The following AHNAK2 variants were observed in gnomAD, a reference collection of about 807,000 sequenced individuals.
AHNAK2 encodes the protein AHNAK nucleoprotein 2, also known as protein AHNAK2.
A neutral mutation model predicts 30.7 loss-of-function variants in AHNAK2; 18 were observed. The ratio of observed to expected loss-of-function variants is 0.59; its 90% CI spans 0.41 to 0.87. The LOEUF (loss-of-function observed/expected upper bound fraction) is 0.87, where lower values mean the gene tolerates loss of function less well. Ranked by LOEUF, AHNAK2 falls within the 40% of genes least tolerant of loss-of-function variation. The pLI is 0.00. For synonymous variants in AHNAK2, 3,590 were observed against 3,073.8 expected, an observed-to-expected ratio of 1.17 and a Z score of -5.56; for missense variants, 8,604 against 7,373.0, an observed-to-expected ratio of 1.17 and a Z score of -6.11.
In AHNAK2 at chr14:104,942,875, G is replaced by C. The variant is rs1357422690; in HGVS notation, c.12576C>G (p.Val4192=). Residue 4192 remains valine, a synonymous_variant, in exon 7 of 7, where the codon GTC becomes GTG. Coordinates refer to ENST00000333244, the MANE Select transcript of AHNAK2 (RefSeq NM_138420.4). ...SIQSPSADLE[V]QAGQVDVKLP... ...GTTTCACGTCCACTTGGCCAGCCTG[G>C]ACCTCCAGGTCGGCGGAAGGGGACT... The C allele has an allele frequency of 6.2e-7, 1 of 1,612,928 alleles. No homozygotes were observed. The highest frequency in any genetic ancestry group is 2.2e-5 in the East Asian group (1 of 44,730).
chr14:104,976,886 G>A (rs1899606787), intron 1 of AHNAK2, among the ~76,000 whole-genome samples: 2 of 152,190 alleles, frequency 1.3e-5, no homozygotes, highest in Admixed American at 1.3e-4. Context: ...CTGCAGCCAT[G>A]TGGGCAGGGC....
At position 104,944,368 on chromosome 14, in the gene AHNAK2, G is replaced by C. The variant is rs2140831498; in HGVS notation, c.11083C>G (p.Leu3695Val). The C allele has an allele frequency of 6.2e-6, 10 of 1,612,682 alleles. No individual in the cohort carries two copies. Among genetic ancestry groups the C allele is most frequent in the Non-Finnish European group, 7.6e-6 (9 of 1,179,504 alleles). The part of the protein sequence containing the change: ...DLSIQPPSAD[L>V]KVQAGQMDVK... ...TCCATCTGGCCAGCCTGGACCTTCAGGTCGGCAGAAGGGGGCTGAATGCTG... is the reference window on the plus strand; with the variant it reads ...TCCATCTGGCCAGCCTGGACCTTCACGTCGGCAGAAGGGGGCTGAATGCTG... Residue 3695 changes from leucine (L) to valine (V), a missense_variant, in exon 7 of 7, where the codon CTG (leucine) becomes GTG (valine). Physicochemically the swap from Leu to Val is conservative, Grantham distance 32. Coordinates refer to ENST00000333244, the MANE Select transcript of AHNAK2 (RefSeq NM_138420.4).
rs1319756615 is a variant in AHNAK2, at chr14:104,943,619, C to A, written c.11832G>T (p.Lys3944Asn). ...VEVDVEAPGA[K>N]LDGARLEGDL... ...CCCCCTCCAGCCGCGCACCATCCAG[C>A]TTGGCTCCTGGGGCCTCGACGTCCA... Residue 3944 changes from lysine (K) to asparagine (N), a missense_variant, in exon 7 of 7, where the codon AAG becomes AAT. By Grantham distance (94) the Lys-to-Asn change is moderately conservative. Transcript: ENST00000333244. The A allele has an allele frequency of 6.2e-7, 1 of 1,612,988 alleles. No homozygotes were observed. The highest frequency in any genetic ancestry group is 2.2e-5 in the East Asian group (1 of 44,726).
chr14:104,963,954 T>G (rs780899767), intron 1 of AHNAK2, among the ~76,000 whole-genome samples: 78 of 151,888 alleles, frequency 5.1e-4, no homozygotes, highest in Non-Finnish European at 8.8e-4. Context: ...CTATGGATGG[T>G]TCCTCAAAAA....
At position 104,952,691 on chromosome 14, in the gene AHNAK2, C is replaced by T. The variant is rs1440766997; in HGVS notation, c.2760G>A (p.Glu920=). The change falls in exon 7 of 7, where the codon GAG becomes GAA. Residue 920 remains glutamate (E), a synonymous_variant. Coordinates refer to ENST00000333244, the MANE Select transcript of AHNAK2 (RefSeq NM_138420.4). ...CTTTGGGCATCTTGAAACTGGGCAT[C>T]TCCACTTTGGGCAGGTGCACTTTGG... The part of the protein sequence containing the change: ...AGPKVHLPKV[E]MPSFKMPKVD... 2 of 1,612,846 alleles carry T rather than the reference C, an allele frequency of 1.2e-6. No individual in the cohort carries two copies. Among genetic ancestry groups the T allele is most frequent in the Non-Finnish European group, 1.7e-6 (2 of 1,179,660 alleles).
At position 104,942,917 on chromosome 14, in the gene AHNAK2, G is replaced by A. The variant is rs762443187; in HGVS notation, c.12534C>T (p.Thr4178=). 36 of 1,613,140 alleles carry A rather than the reference G, an allele frequency of 2.2e-5. No homozygotes were observed. Among genetic ancestry groups the A allele is most frequent in the Non-Finnish European group, 2.7e-5 (32 of 1,179,644 alleles). ...AAGGGGACTGAATGCTGAGGTCAGT[G>A]GTCTTGAGGTCCCCCTGCATGGAGG... ...SLPSMQGDLK[T]TDLSIQSPSA... Residue 4178 remains threonine (T), a synonymous_variant, in exon 7 of 7, where the codon ACC becomes ACT. Coordinates refer to ENST00000333244, the MANE Select transcript of AHNAK2 (RefSeq NM_138420.4).
In AHNAK2 at chr14:104,942,351, G is replaced by A. The variant is rs1595392025; in HGVS notation, c.13100C>T (p.Pro4367Leu). 6.2e-7 allele frequency: 1 copy of A among 1,613,120 alleles called. No individual in the cohort carries two copies. The part of the protein sequence containing the change: ...VQAGQEDVKL[P>L]EGPVHEGAGL... The stretch of plus-strand genomic sequence containing the variant: ...GGCTCCCTCATGCACAGGGCCCTCT[G>A]GGAGTTTCACATCCTCTTGGCCAGC... The change falls in exon 7 of 7, where the codon CCA (proline) becomes CTA (leucine). Residue 4367 changes from proline to leucine, a missense_variant. Physicochemically the swap from Pro to Leu is moderately conservative, Grantham distance 98 (BLOSUM62 -3). Coordinates refer to ENST00000333244, the MANE Select transcript of AHNAK2 (RefSeq NM_138420.4).
Position 104,939,163 on chromosome 14 carries a change from C to G in AHNAK2, c.16288G>C (p.Gly5430Arg), listed in dbSNP as rs1209925287. The G allele has an allele frequency of 6.2e-7, 1 of 1,612,614 alleles. No individual in the cohort carries two copies. The highest frequency in any genetic ancestry group is 1.7e-5 in the Admixed American group (1 of 59,856). ...IDTALCKESPGLWGASILKAG... is the reference protein window; with the variant it reads ...IDTALCKESPRLWGASILKAG... ...TTCAGGATGCTGGCTCCCCAGAGCC[C>G]CGGACTTTCCTTACAAAGGGCTGTA... Residue 5430 changes from glycine (G) to arginine (R), a missense_variant, in exon 7 of 7, where the codon GGG (glycine) becomes CGG (arginine). Gly to Arg is a moderately radical substitution (Grantham distance 125). Coordinates refer to ENST00000333244, the MANE Select transcript of AHNAK2 (RefSeq NM_138420.4).
Position 104,950,621 on chromosome 14 carries a change from C to T in AHNAK2, c.4830G>A (p.Val1610=), listed in dbSNP as rs531354339. 7.4e-5 allele frequency: 117 copies of T among 1,587,146 alleles called. 11 individuals are homozygous for T. Among genetic ancestry groups the T allele is most frequent in the Admixed American group, 1.6e-4 (9 of 57,532 alleles). ...GPKLDLKGPK[V]EVTAPDVKMS... ...TCTTCACATCGGGGGCTGTCACTTC[C>T]ACCTTGGGGCCTTTCAGGTCCAGCT... Residue 1610 remains valine, a synonymous_variant, in exon 7 of 7, where the codon GTG becomes GTA. Transcript: ENST00000333244.
chr14:104,959,395 C>A (rs1220946755), intron 1 of AHNAK2, among the ~76,000 whole-genome samples: 1 of 152,208 alleles, frequency 6.6e-6, no homozygotes, highest in African/African-American at 2.4e-5. Flanking sequence ...TGGTCTTGAA[C>A]TCTTGACCTC....
Position 104,948,274 on chromosome 14 carries a change from C to A in AHNAK2, c.7177G>T (p.Glu2393Ter). Residue 2393 changes from glutamate (E) to a stop codon, truncating the protein, a stop_gained, in exon 7 of 7, where the codon GAG becomes TAG. Transcript: ENST00000333244. LOFTEE classifies it low-confidence loss of function (END_TRUNC). ...DVKLPEGPVP[E>*]GAGLKGHLPK... ...AGGTGCCCTTTGAGGCCGGCTCCCT[C>A]CGGCACGGGGCCCTCTGGGAGTTTC... 6.2e-7 allele frequency: 1 copy of A among 1,612,476 alleles called. No homozygotes were observed. The highest frequency in any genetic ancestry group is 8.5e-7 in the Non-Finnish European group (1 of 1,179,580).
Position 104,941,304 on chromosome 14 carries a change from GT to G in AHNAK2, c.14146del (p.Thr4716LeufsTer6). Reference protein sequence around the residue: ...VPKVSFSSTKTPKDSLVPGAK... With the variant: ...VPKVSFSSTKXPKDSLVPGAK... ...ACCTGGGACTAAACTATCTTTAGGA[GT>G]TTTGGTAGAAGAAAATGAAACTTTG... On this transcript the variant is annotated frameshift_variant, in exon 7 of 7. Transcript: ENST00000333244. LOFTEE classifies it low-confidence loss of function (END_TRUNC). 1 of 1,613,578 alleles carries G rather than the reference GT, an allele frequency of 6.2e-7. No homozygotes were observed. The highest frequency in any genetic ancestry group is 8.5e-7 in the Non-Finnish European group (1 of 1,179,846).
intron 1 of AHNAK2, among the ~76,000 whole-genome samples, chr14:104,968,650 C>T (rs1899381584): frequency 6.6e-6 from 1 of 152,176 alleles, no homozygotes; most frequent in Non-Finnish European, 1.5e-5. Flanking sequence ...GGTGGGAGGG[C>T]ATGGTTGGGT....
In AHNAK2 at chr14:104,956,662, C is replaced by A. The variant is rs1422361988; in HGVS notation, c.241G>T (p.Ala81Ser). 1 of 1,613,860 alleles carries A rather than the reference C, an allele frequency of 6.2e-7. No homozygotes were observed. Among genetic ancestry groups the A allele is most frequent in the Non-Finnish European group, 8.5e-7 (1 of 1,179,884 alleles). ...TTCCACCAGGATCTCCGTCTCCCAG[C>A]AGAACCTTGCCTGCCGGGGGCGTCT... ...QEDAPGRQGS[A>S]GRRRSWWKRD... Residue 81 changes from alanine (A) to serine (S), a missense_variant, in exon 4 of 7, where the codon GCT becomes TCT. By Grantham distance (99) the Ala-to-Ser change is moderately conservative. Coordinates refer to ENST00000333244, the MANE Select transcript of AHNAK2 (RefSeq NM_138420.4).
In AHNAK2 at chr14:104,978,248, A is replaced by G; in HGVS notation, c.-11T>C. ...GAAGCAGTCGCACATCGCGGCGGCC[A>G]GGCGGTGCGGGCCTGGCGGCCCGTC... On this transcript the variant is annotated 5_prime_UTR_variant, in exon 1 of 7. Coordinates refer to ENST00000333244, the MANE Select transcript of AHNAK2 (RefSeq NM_138420.4). The G allele has an allele frequency of 8.9e-7, 1 of 1,122,850 alleles. No homozygotes were observed. Among genetic ancestry groups the G allele is most frequent in the Non-Finnish European group, 1.1e-6 (1 of 917,128 alleles). 69.6% of individuals were successfully genotyped at this position (1,122,850 alleles called of 1,614,324 possible). A position where few individuals can be genotyped will look rare whatever the true frequency, so the allele number is the denominator to read the frequency against.
rs766175343 is a variant in AHNAK2, at chr14:104,938,198, G to A, written c.17253C>T (p.Ile5751=). 7.4e-5 allele frequency: 120 copies of A among 1,613,760 alleles called. No individual in the cohort carries two copies. The highest frequency in any genetic ancestry group is 9.5e-5 in the Non-Finnish European group (112 of 1,179,890). Reference sequence around the variant, plus strand: ...AGTCCAGCCCAGTGCCCACAGGCCCGATCAGTTCACCCTCTTCCTTCTCTT... The same window carrying A: ...AGTCCAGCCCAGTGCCCACAGGCCCAATCAGTTCACCCTCTTCCTTCTCTT... ...SPEEKEEGEL[I]GPVGTGLDSR... is the part of the protein sequence containing the mutation. Residue 5751 remains isoleucine, a synonymous_variant, in exon 7 of 7, where the codon ATC becomes ATT. Transcript: ENST00000333244.
rs1195153993 is a variant in AHNAK2 at position 104,948,682 on chromosome 14, C to G, written c.6769G>C (p.Asp2257His). 2 of 1,609,810 alleles carry G rather than the reference C, an allele frequency of 1.2e-6. No homozygotes were observed. The highest frequency in any genetic ancestry group is 1.4e-5 in the African/African-American group (1 of 73,552). The change falls in exon 7 of 7, where the codon GAC (aspartate) becomes CAC (histidine). Residue 2257 changes from aspartate to histidine, a missense_variant. Transcript: ENST00000333244. Reference sequence around the variant, plus strand: ...AGGTCCAGCTTGGGGCCCTTGATGTCTATTTCGGGGCCCTTGAGGTCCACT... The same window carrying G: ...AGGTCCAGCTTGGGGCCCTTGATGTGTATTTCGGGGCCCTTGAGGTCCACT... ...PKVDLKGPEI[D>H]IKGPKLDLKD...
Position 104,943,718 on chromosome 14 carries a change from G to A in AHNAK2, c.11733C>T (p.Pro3911=). Residue 3911 remains proline (P), a synonymous_variant, in exon 7 of 7, where the codon CCC becomes CCT. Transcript: ENST00000333244. Reference sequence around the variant, plus strand: ...CCTTGGGGTCTTTTAGGTCCAGCTTGGGGCCCTTGATGTCTATTTCAGGGC... The same window carrying A: ...CCTTGGGGTCTTTTAGGTCCAGCTTAGGGCCCTTGATGTCTATTTCAGGGC... The part of the protein sequence containing the change: ...LKGPEIDIKG[P]KLDLKDPKVE... The A allele has an allele frequency of 3.1e-6, 5 of 1,612,844 alleles. No individual in the cohort carries two copies. Among genetic ancestry groups the A allele is most frequent in the Non-Finnish European group, 4.2e-6 (5 of 1,179,498 alleles).
At position 104,953,847 on chromosome 14, in the gene AHNAK2, GCTC is replaced by G. The variant is rs773376191; in HGVS notation, c.1601_1603del (p.Gly534del). ...TGGTTCCCTGCCCGGCATCCACCCGGCTCCTTCCACCTCCTCACCCTTCAGGCC... is the reference window on the plus strand; with the variant it reads ...TGGTTCCCTGCCCGGCATCCACCCGGCTTCCACCTCCTCACCCTTCAGGCC... On this transcript the variant is annotated inframe_deletion, in exon 7 of 7. Coordinates refer to ENST00000333244, the MANE Select transcript of AHNAK2 (RefSeq NM_138420.4). 2.6e-5 allele frequency: 42 copies of G among 1,613,760 alleles called. No homozygotes were observed. The highest frequency in any genetic ancestry group is 3.3e-4 in the Middle Eastern group (2 of 6,084).
Sources: gnomAD v4.1 joint callset for allele counts (sites outside exome capture counted in the v4.1 genomes callset) on GRCh38, gnomAD v4.1.1 for gene constraint, MANE v1.5 for transcripts, NCBI Gene and HGNC (gene_info 2026-07-23, HGNC 2026-07-21) for gene names.